PAG1: variants seen among roughly 807,000 people sequenced by gnomAD.
The protein encoded by PAG1 is phosphoprotein associated with glycosphingolipid-enriched microdomains 1.
Under a neutral mutation model 31.7 loss-of-function variants are expected in PAG1, and 23 were observed. The ratio of observed to expected loss-of-function variants is 0.73; its 90% CI spans 0.52 to 1.03. PAG1 has a LOEUF of 1.03. Ranked by LOEUF, PAG1 falls within the 50% of genes least tolerant of loss-of-function variation. The pLI, the probability that PAG1 is intolerant of heterozygous loss-of-function variation, is 0.00. For synonymous variants in PAG1, 214 were observed against 210.3 expected (o/e 1.02, Z -0.15); for missense variants, 473 against 540.7 (o/e 0.87, Z 1.24).
chr8:81,060,030 C>G (rs555951126), intron 2 of PAG1, among the ~76,000 whole-genome samples: 5 of 151,588 alleles, frequency 3.3e-5, no homozygotes, highest in African/African-American at 1.2e-4. Context: ...AAAAAAAAAG[C>G]CTAAGTATTT....
At chr8:81,035,478 C>T (rs1808447914) in intron 2 of PAG1, among the ~76,000 whole-genome samples, 1 of 152,176 alleles carries the variant, frequency 6.6e-6, no homozygotes, top group Admixed American at 6.5e-5. Flanking sequence ...ACAAACACAG[C>T]TGGCATTGGG....
chr8:81,034,715 G>A (rs1279880402), intron 2 of PAG1, among the ~76,000 whole-genome samples: 1 of 152,206 alleles, frequency 6.6e-6, no homozygotes, highest in Admixed American at 6.5e-5. Context: ...GCCATGCAGA[G>A]CAAGTCCAAT....
At chr8:81,099,220 G>C (rs1809572676) in intron 1 of PAG1, among the ~76,000 whole-genome samples, 1 of 152,208 alleles carries the variant, frequency 6.6e-6, no homozygotes, top group Admixed American at 6.5e-5. Flanking sequence ...CTAAGAAATG[G>C]TTGACCAGAA....
chr8:80,970,275 A>AT lies in PAG1; in HGVS notation c.*6268dup, dbSNP rs11420021. On this transcript the variant is annotated 3_prime_UTR_variant, in exon 9 of 9. Coordinates refer to ENST00000220597, the MANE Select transcript of PAG1 (RefSeq NM_018440.4). ...AGGCACATGCCACCATGCCTGGCTAATTTTTTTTGCATTTTTAGTAGAGAC... is the reference window on the plus strand; with the variant it reads ...AGGCACATGCCACCATGCCTGGCTAATTTTTTTTTGCATTTTTAGTAGAGAC... 0.45 allele frequency: 68,200 copies of AT among 151,076 alleles called. 16,482 individuals are homozygous for AT. Among genetic ancestry groups the AT allele is most frequent in the Admixed American group, 0.56 (8,510 of 15,164 alleles). 9.4% of individuals were successfully genotyped at this position (151,076 alleles called of 1,614,324 possible).
chr8:80,998,167 G>C (rs1807719627), intron 3 of PAG1, among the ~76,000 whole-genome samples: 1 of 132,434 alleles, frequency 7.6e-6, no homozygotes. Flanking sequence ...GTCTCGCTCT[G>C]TCGCTAGGCT....
chr8:81,059,881 G>T (rs1390974217), intron 2 of PAG1, among the ~76,000 whole-genome samples: 1 of 151,874 alleles, frequency 6.6e-6, no homozygotes, highest in Non-Finnish European at 1.5e-5. Flanking sequence ...CTGGGTGTGG[G>T]AGTGCACACC....
chr8:81,034,583 A>G (rs1382218226), intron 2 of PAG1, among the ~76,000 whole-genome samples: 1 of 152,218 alleles, frequency 6.6e-6, no homozygotes, highest in Non-Finnish European at 1.5e-5. Context: ...CTCCATCCCA[A>G]GGAATCCCTT....
intron 3 of PAG1, among the ~76,000 whole-genome samples, chr8:81,000,004 T>G (rs900990283): frequency 7.2e-5 from 11 of 152,192 alleles, no homozygotes; most frequent in African/African-American, 2.4e-4. Flanking sequence ...GCGCTTCTAT[T>G]TGGGCTAATG....
intron 1 of PAG1, among the ~76,000 whole-genome samples, chr8:81,090,801 G>A (rs1809432496): frequency 6.6e-6 from 1 of 151,640 alleles, no homozygotes; most frequent in Non-Finnish European, 1.5e-5. Flanking sequence ...TGCAAGAAAT[G>A]AGGCTGACTG....
chr8:81,090,402 A>C (rs1464809030), intron 1 of PAG1, among the ~76,000 whole-genome samples: 1 of 152,208 alleles, frequency 6.6e-6, no homozygotes, highest in African/African-American at 2.4e-5. Context: ...AAAAGATAGG[A>C]TATGTAACTT....
chr8:80,978,330 T>G lies in PAG1; in HGVS notation c.937-1424A>C, dbSNP rs182000883. ...CTCTCAGAATACAAGAATTATAATT[T>G]CTTTGAATTTAATAAAAAAAATTCA... On this transcript the variant is annotated intron_variant, in intron 8 of 8. Coordinates refer to ENST00000220597, the MANE Select transcript of PAG1 (RefSeq NM_018440.4). Among the ~76,000 whole-genome samples, 35 of 152,302 alleles carry G rather than the reference T, an allele frequency of 2.3e-4. 1 individual carries two copies. In the East Asian group the frequency reaches 5.6e-3, roughly 24 times the overall value.
chr8:81,003,124 G>A (rs1016132772), intron 3 of PAG1, among the ~76,000 whole-genome samples: 4 of 152,160 alleles, frequency 2.6e-5, no homozygotes, highest in African/African-American at 9.7e-5. Context: ...TCAGACACTC[G>A]GGGGTGGCGG....
chr8:81,060,375 G>T lies in PAG1; in HGVS notation c.-175+9737C>A, dbSNP rs190315938. Reference sequence around the variant, plus strand: ...CTCTACCTAAAAGTCAAAGAGCAGAGCAGCCACGGATGTTTTTCTTACAGG... The same window carrying T: ...CTCTACCTAAAAGTCAAAGAGCAGATCAGCCACGGATGTTTTTCTTACAGG... On this transcript the variant is annotated intron_variant, in intron 2 of 8. Transcript: ENST00000220597. 1.9e-3 allele frequency among the ~76,000 whole-genome samples: 291 copies of T among 152,268 alleles called. 2 individuals carry two copies. The highest frequency in any genetic ancestry group is 4.7e-3 in the African/African-American group (195 of 41,544).
At chr8:81,100,058 G>T (rs1449785360) in intron 1 of PAG1, among the ~76,000 whole-genome samples, 1 of 152,164 alleles carries the variant, frequency 6.6e-6, no homozygotes, top group Non-Finnish European at 1.5e-5. Context: ...ACAAATGACT[G>T]ATATTACATT....
Position 81,093,122 on chromosome 8 carries a change from C to T in PAG1, c.-234+18469G>A, listed in dbSNP as rs994202110. 2.0e-5 allele frequency among the ~76,000 whole-genome samples: 3 copies of T among 152,206 alleles called. 1 individual carries two copies. The South Asian group carries it at 6.2e-4, about 32-fold the overall frequency. Reference sequence around the variant, plus strand: ...CAAAACAGAGCAAATGGTATGCTGACAGCATACAGCCTTCTTGGCACCATC... The same window carrying T: ...CAAAACAGAGCAAATGGTATGCTGATAGCATACAGCCTTCTTGGCACCATC... On this transcript the variant is annotated intron_variant, in intron 1 of 8. Coordinates refer to ENST00000220597, the MANE Select transcript of PAG1 (RefSeq NM_018440.4).
intron 4 of PAG1, among the ~76,000 whole-genome samples, chr8:80,992,620 A>T (rs898294016): frequency 2.8e-4 from 43 of 152,332 alleles, no homozygotes; most frequent in African/African-American, 9.9e-4. Flanking sequence ...TTTCATATAC[A>T]GCATGTTCCT....
Position 81,030,020 on chromosome 8 carries a change from G to C in PAG1, c.-105C>G, listed in dbSNP as rs1315705506. ...CCTTGGAGGAAATGTTTGTCCAGTAGAGTATTCCAAGTTCTGGCAATGTAT... is the reference window on the plus strand; with the variant it reads ...CCTTGGAGGAAATGTTTGTCCAGTACAGTATTCCAAGTTCTGGCAATGTAT... On this transcript the variant is annotated 5_prime_UTR_variant, in exon 3 of 9. Coordinates refer to ENST00000220597, the MANE Select transcript of PAG1 (RefSeq NM_018440.4). The C allele has an allele frequency of 6.6e-6, 1 of 152,232 alleles. No individual in the cohort carries two copies. Among genetic ancestry groups the C allele is most frequent in the African/African-American group, 2.4e-5 (1 of 41,460 alleles). 9.4% of individuals were successfully genotyped at this position (152,232 alleles called of 1,614,324 possible). A position where few individuals can be genotyped will look rare whatever the true frequency, so the allele number is the denominator to read the frequency against.
chr8:81,021,134 A>C (rs905656365), intron 3 of PAG1, among the ~76,000 whole-genome samples: 12 of 152,360 alleles, frequency 7.9e-5, no homozygotes, highest in Admixed American at 7.8e-4. Context: ...TTTGGTCTCC[A>C]GCTTTTGCCA....
rs749654182 is a variant in PAG1, at chr8:80,985,355, C to T, written c.297G>A (p.Leu99=). The change falls in exon 7 of 9, where the codon CTG becomes CTA. Residue 99 remains leucine (L), a synonymous_variant. Coordinates refer to ENST00000220597, the MANE Select transcript of PAG1 (RefSeq NM_018440.4). The part of the protein sequence containing the change: ...NGDILSEDST[L]TCMQHYEEVQ... ...CTTCCTCGTAATGCTGCATGCAGGT[C>T]AGAGTACTGTCCTCTGAAAGAACTA... 1.9e-6 allele frequency: 3 copies of T among 1,613,862 alleles called. No homozygotes were observed. Among genetic ancestry groups the T allele is most frequent in the Non-Finnish European group, 2.5e-6 (3 of 1,179,866 alleles).
Sources: allele counts gnomAD v4.1 joint callset (sites outside exome capture counted in the v4.1 genomes callset), GRCh38; gene constraint gnomAD v4.1.1; transcripts MANE v1.5; gene names NCBI Gene and HGNC (gene_info 2026-07-23, HGNC 2026-07-21).